The following LGSN variants were observed in gnomAD, a reference collection of about 807,000 sequenced individuals.
LGSN encodes lengsin, lens protein with glutamine synthetase domain.
In LGSN, 21 loss-of-function variants were observed where a neutral mutation model predicts 19.5. That is an observed-to-expected ratio of 1.07 (90% CI 0.76 to 1.55). LGSN has a LOEUF of 1.55. Among genes scored for constraint, LGSN ranks in the 40% most tolerant of loss-of-function variants. The pLI, the probability that LGSN is intolerant of heterozygous loss-of-function variation, is 0.00. For missense variants in LGSN, 673 were observed against 608.5 expected (o/e 1.11, Z -1.12); for synonymous variants, 257 against 215.6 (o/e 1.19, Z -1.68).
chr6:63,545,644 A>G, the LGSN span, among the ~76,000 whole-genome samples: 4 of 152,040 alleles, frequency 2.6e-5, no homozygotes, highest in East Asian at 1.9e-4. Flanking sequence ...GAAATTTCCA[A>G]TCTTACCTTG....
the LGSN span, among the ~76,000 whole-genome samples, chr6:63,544,679 T>C: frequency 6.6e-6 from 1 of 152,190 alleles, no homozygotes; most frequent in African/African-American, 2.4e-5. Context: ...ACAAGCCAAT[T>C]ATACCAAGAA....
At chr6:63,438,759 C>T in the LGSN span, among the ~76,000 whole-genome samples, 71,209 of 151,764 alleles carry the variant, frequency 0.47, 17,814 homozygotes, top group Non-Finnish European at 0.53. Context: ...GTTGGTGGGA[C>T]TGTAAACTAG....
At chr6:63,367,249 A>C in the LGSN span, among the ~76,000 whole-genome samples, 1 of 152,184 alleles carries the variant, frequency 6.6e-6, no homozygotes, top group African/African-American at 2.4e-5. Context: ...TACAAGAAAA[A>C]ATCAAACAAC....
the LGSN span, among the ~76,000 whole-genome samples, chr6:63,340,076 G>C: frequency 5.7e-3 from 863 of 151,688 alleles, 47 homozygotes; most frequent in East Asian, 0.12. Context: ...TTTTCTTTCA[G>C]CACTTTGAAT....
chr6:63,281,314 T>TAC, intron 3 of LGSN, 94 bp from the exon 4 acceptor site: 1 of 165,786 alleles, frequency 6.0e-6, no homozygotes, highest in African/African-American at 2.5e-5. Flanking sequence ...AATATATATA[T>TAC]ATATATATAT....
chr6:63,468,291 C>G, the LGSN span, among the ~76,000 whole-genome samples: 13 of 151,918 alleles, frequency 8.6e-5, no homozygotes, highest in African/African-American at 2.7e-4. Flanking sequence ...CCACACCCAG[C>G]TAATTTTTGT....
chr6:63,445,738 A>T, the LGSN span, among the ~76,000 whole-genome samples: 4 of 152,338 alleles, frequency 2.6e-5, no homozygotes, highest in Admixed American at 6.5e-5. Context: ...TAAAATACTT[A>T]ATATGTTTGG....
chr6:63,496,364 T>TA, the LGSN span, among the ~76,000 whole-genome samples: 132 of 152,308 alleles, frequency 8.7e-4, no homozygotes, highest in African/African-American at 3.0e-3. Flanking sequence ...CCATAGCCAC[T>TA]AGGACAATGA....
the LGSN span, among the ~76,000 whole-genome samples, chr6:63,429,322 A>G: frequency 3.9e-5 from 6 of 152,320 alleles, 1 homozygote; most frequent in Admixed American, 3.9e-4. Context: ...CTATTTTTTA[A>G]TAAGAGATTT....
chr6:63,314,285 C>T (rs1044064086), intron 1 of LGSN, among the ~76,000 whole-genome samples: 3 of 152,198 alleles, frequency 2.0e-5, no homozygotes, highest in Admixed American at 1.3e-4. Context: ...TGTCTCTGCT[C>T]TCCACCATAT....
the LGSN span, among the ~76,000 whole-genome samples, chr6:63,550,969 T>C: frequency 6.6e-6 from 1 of 152,142 alleles, no homozygotes; most frequent in Non-Finnish European, 1.5e-5. Context: ...TTTGAGAATC[T>C]AATTGTATAT....
intron 1 of LGSN, among the ~76,000 whole-genome samples, chr6:63,302,403 C>T (rs1768216636): frequency 6.6e-6 from 1 of 152,110 alleles, no homozygotes; most frequent in Non-Finnish European, 1.5e-5. Flanking sequence ...GTTGTGTCCT[C>T]AAGGAGGTTC....
chr6:63,356,883 A>G, the LGSN span, among the ~76,000 whole-genome samples: 1 of 152,094 alleles, frequency 6.6e-6, no homozygotes, highest in Admixed American at 6.5e-5. Flanking sequence ...CACAACGTGC[A>G]GGTTTGTTAC....
chr6:63,381,984 A>G, the LGSN span, among the ~76,000 whole-genome samples: 5 of 152,194 alleles, frequency 3.3e-5, no homozygotes, highest in Non-Finnish European at 7.4e-5. Flanking sequence ...TCACATTTTC[A>G]CACTCATGCT....
the LGSN span, among the ~76,000 whole-genome samples, chr6:63,526,585 G>A: frequency 1.3e-5 from 2 of 151,464 alleles, no homozygotes; most frequent in Admixed American, 6.6e-5. Context: ...CGAGGCAGGC[G>A]GATCGCAAGG....
chr6:63,420,067 A>G, the LGSN span, among the ~76,000 whole-genome samples: 2 of 151,274 alleles, frequency 1.3e-5, no homozygotes, highest in African/African-American at 2.4e-5. Flanking sequence ...GCTGGGCATG[A>G]TGGCAGGCTC....
chr6:63,513,534 A>G, the LGSN span, among the ~76,000 whole-genome samples: 1 of 152,330 alleles, frequency 6.6e-6, no homozygotes, highest in East Asian at 1.9e-4. Context: ...ATAATAAATT[A>G]GGAGTACTTT....
At chr6:63,414,581 A>C in the LGSN span, among the ~76,000 whole-genome samples, 1 of 152,246 alleles carries the variant, frequency 6.6e-6, no homozygotes, top group Non-Finnish European at 1.5e-5. Context: ...GTACATATTA[A>C]ATATGTGCAG....
At chr6:63,370,328 G>A in the LGSN span, among the ~76,000 whole-genome samples, 3 of 152,134 alleles carry the variant, frequency 2.0e-5, no homozygotes, top group African/African-American at 7.2e-5. Flanking sequence ...GACTTAGTAG[G>A]TGTGAACACT....
Sources: gnomAD v4.1 joint callset for allele counts (sites outside exome capture counted in the v4.1 genomes callset) on GRCh38, gnomAD v4.1.1 for gene constraint, MANE v1.5 for transcripts, NCBI Gene and HGNC (gene_info 2026-07-23, HGNC 2026-07-21) for gene names.